NEBL: variants seen among roughly 807,000 people sequenced by gnomAD.
NEBL encodes LIM and SH3 protein 2.
In NEBL, 122 loss-of-function variants were observed where a neutral mutation model predicts 140.2. The ratio of observed to expected loss-of-function variants is 0.87; its 90% confidence interval spans 0.75 to 1.01. NEBL has a LOEUF of 1.01. Ranked by LOEUF, NEBL falls within the 50% of genes least tolerant of loss-of-function variation. The pLI is 0.00. For synonymous variants in NEBL, 436 were observed against 398.9 expected (o/e 1.09, Z -1.11); for missense variants, 1,365 against 1,231.3 (o/e 1.11, Z -1.62).
intron 2 of NEBL, among the ~76,000 whole-genome samples, chr10:21,038,068 A>G (rs368494929): frequency 3.3e-5 from 5 of 152,324 alleles, no homozygotes; most frequent in African/African-American, 1.2e-4. Flanking sequence ...AAGTTATGAT[A>G]TCACATCTTC....
At chr10:21,192,301 C>T (rs899873630) in intron 3 of NEBL, among the ~76,000 whole-genome samples, 3 of 151,546 alleles carry the variant, frequency 2.0e-5, no homozygotes, top group Non-Finnish European at 2.9e-5. Flanking sequence ...ACACCATTCT[C>T]CTGCCTCAGC....
chr10:20,904,102 C>T (rs185524574), intron 4 of NEBL, among the ~76,000 whole-genome samples: 140 of 152,142 alleles, frequency 9.2e-4, no homozygotes, highest in Admixed American at 2.6e-3. Flanking sequence ...AAGTTATGTG[C>T]ATGTGTTCTC....
chr10:20,982,281 C>T (rs1006434654), intron 3 of NEBL, among the ~76,000 whole-genome samples: 4 of 152,206 alleles, frequency 2.6e-5, no homozygotes, highest in Non-Finnish European at 5.9e-5. Flanking sequence ...CTCCCCCTCT[C>T]CAAACTACTG....
At chr10:20,991,148 G>A (rs1837439746) in intron 3 of NEBL, among the ~76,000 whole-genome samples, 1 of 152,076 alleles carries the variant, frequency 6.6e-6, no homozygotes, top group Non-Finnish European at 1.5e-5. Flanking sequence ...TTTCTCTGCA[G>A]CAAATGAAAT....
intron 3 of NEBL, among the ~76,000 whole-genome samples, chr10:21,227,708 TTCTTTCTTCTTCTTCTTCTTC>T (rs1842178787): frequency 2.2e-4 from 18 of 80,972 alleles, no homozygotes; most frequent in African/African-American, 7.8e-4. Context: ...CTTCTTCTTC[TTCTTTCTTCTTCTTCTTCTTC>T]TTCTTCTTCT....
intron 4 of NEBL, among the ~76,000 whole-genome samples, chr10:20,910,268 G>T (rs1417700108): frequency 6.6e-6 from 1 of 152,138 alleles, no homozygotes; most frequent in Non-Finnish European, 1.5e-5. Flanking sequence ...ATGTTATCAT[G>T]GCTCTGACAA....
chr10:20,889,220 C>T (rs1846805548), intron 3 of NEBL, among the ~76,000 whole-genome samples: 1 of 152,188 alleles, frequency 6.6e-6, no homozygotes, highest in African/African-American at 2.4e-5. Context: ...TGCCTCACCA[C>T]AGAAATCATC....
intron 3 of NEBL, among the ~76,000 whole-genome samples, chr10:21,231,230 CA>C (rs1453077843): frequency 1.3e-5 from 2 of 152,112 alleles, no homozygotes; most frequent in Non-Finnish European, 2.9e-5. Context: ...AGGAGACAAG[CA>C]AACATGTGCT....
intron 4 of NEBL, among the ~76,000 whole-genome samples, chr10:20,882,448 T>C (rs967832233): frequency 2.0e-5 from 3 of 152,042 alleles, no homozygotes; most frequent in African/African-American, 7.2e-5. Flanking sequence ...AAATAATATA[T>C]AAAATTAAAT....
chr10:20,981,308 A>G (rs1421796124), intron 3 of NEBL, among the ~76,000 whole-genome samples: 2 of 149,686 alleles, frequency 1.3e-5, no homozygotes, highest in African/African-American at 4.9e-5. Flanking sequence ...CCAGAAAAGA[A>G]AAAAAAAAAA....
chr10:20,789,743 C>T (rs774398011), intron 26 of NEBL, among the ~76,000 whole-genome samples: 6 of 151,942 alleles, frequency 3.9e-5, no homozygotes, highest in Admixed American at 1.3e-4. Flanking sequence ...ATCCCACCTA[C>T]TTGGAAGGCT....
chr10:20,869,765 G>A lies in NEBL; in HGVS notation c.557C>T (p.Thr186Ile). ...ELDRPDIKMATQISKIISNAE... is the reference protein window; with the variant it reads ...ELDRPDIKMAIQISKIISNAE... ...ATTGCTTATGATCTTAGAGATCTGGGTTGCCATCTTGATGTCTGGTCGGTC... is the reference window on the plus strand; with the variant it reads ...ATTGCTTATGATCTTAGAGATCTGGATTGCCATCTTGATGTCTGGTCGGTC... The change falls in exon 6 of 28, where the codon ACC (threonine) becomes ATC (isoleucine). Residue 186 changes from threonine to isoleucine, a missense_variant. This residue lies in a region of NEBL where 1,323 missense variants were observed against 1,154.8 expected (regional missense o/e 1.15). Coordinates refer to ENST00000377122, the MANE Select transcript of NEBL (RefSeq NM_006393.3). 1.2e-6 allele frequency: 2 copies of A among 1,611,780 alleles called. No homozygotes were observed. Among genetic ancestry groups the A allele is most frequent in the South Asian group, 1.1e-5 (1 of 91,038 alleles).
intron 2 of NEBL, among the ~76,000 whole-genome samples, chr10:21,036,929 C>G (rs1436404206): frequency 2.6e-5 from 4 of 152,106 alleles, no homozygotes; most frequent in Non-Finnish European, 4.4e-5. Flanking sequence ...GAATACAGCC[C>G]TCCTTGCTTT....
chr10:21,053,704 G>A (rs543042008), intron 2 of NEBL, among the ~76,000 whole-genome samples: 37 of 152,252 alleles, frequency 2.4e-4, no homozygotes, highest in African/African-American at 8.2e-4. Context: ...CCAACATGAA[G>A]GGTCGCGTGT....
At chr10:21,177,801 T>A (rs1841327405), upstream of NEBL, among the ~76,000 whole-genome samples, 1 of 152,198 alleles carries the variant, frequency 6.6e-6, no homozygotes, top group Non-Finnish European at 1.5e-5. Flanking sequence ...GTGCTGGGAT[T>A]ACAGGCGTGA....
intron 1 of NEBL, among the ~76,000 whole-genome samples, chr10:21,283,624 C>T (rs181021180): frequency 2.7e-4 from 41 of 152,156 alleles, no homozygotes; most frequent in Admixed American, 1.4e-3. Flanking sequence ...TATTATATTC[C>T]ATGTAACACA....
At chr10:21,217,476 C>G (rs978514541) in intron 3 of NEBL, among the ~76,000 whole-genome samples, 4 of 142,918 alleles carry the variant, frequency 2.8e-5, no homozygotes, top group African/African-American at 1.2e-4. Context: ...GCCAGGTGGC[C>G]AGCAAGTTCT....
intron 21 of NEBL, 131 bp from the exon 22 acceptor site, chr10:20,815,848 A>G: frequency 1.4e-6 from 1 of 713,668 alleles, no homozygotes; most frequent in Non-Finnish European, 2.5e-6. Flanking sequence ...TGCTCACCAC[A>G]GCCTCGATCT....
chr10:21,172,394 G>A lies in NEBL; in HGVS notation c.153C>T (p.Pro51=), dbSNP rs757435546. 3.1e-6 allele frequency: 5 copies of A among 1,612,924 alleles called. 1 individual carries two copies. The South Asian group carries it at 5.5e-5, about 18-fold the overall frequency. Residue 51 remains proline (P), a synonymous_variant, in exon 2 of 7, where the codon CCC becomes CCT. Transcript: ENST00000417816. ...TTGACAATACTTACGCATTACAATA[G>A]GGCTTCTTTTCATAGCCTTTGTAGT...
Sources: gnomAD v4.1 joint callset for allele counts (sites outside exome capture counted in the v4.1 genomes callset) on GRCh38, gnomAD v4.1.1 for gene constraint, gnomAD v4.1.1 regional missense constraint, MANE v1.5 for transcripts, NCBI Gene and HGNC (gene_info 2026-07-23, HGNC 2026-07-21) for gene names.